Variants in EXD1 observed in about 807,000 individuals in gnomAD.
EXD1 encodes piRNA biogenesis protein EXD1.
EXD1 carries 63 observed loss-of-function variants against 49.1 expected under a neutral mutation model. The observed-to-expected ratio is 1.28, with a 90% confidence interval of 1.05 to 1.58. The LOEUF is 1.58. EXD1 is among the 40% of genes most tolerant of loss of function. The pLI, the probability that EXD1 is intolerant of heterozygous loss-of-function variation, is 0.00. For synonymous variants in EXD1, 234 were observed against 239.2 expected (o/e 0.98, Z 0.20); for missense variants, 748 against 666.0 (o/e 1.12, Z -1.36).
intron 11 of EXD1, among the ~76,000 whole-genome samples, chr15:41,187,662 T>C (rs2046435564): frequency 2.0e-5 from 3 of 152,124 alleles, no homozygotes; most frequent in Non-Finnish European, 4.4e-5. Flanking sequence ...GAACCATGCT[T>C]GCAACTAGAA....
intron 7 of EXD1, among the ~76,000 whole-genome samples, chr15:41,198,972 T>A (rs2046662585): frequency 6.6e-6 from 1 of 151,466 alleles, no homozygotes. Flanking sequence ...ATGGCCTTTT[T>A]TCTTTTTTGG....
intron 9 of EXD1, among the ~76,000 whole-genome samples, chr15:41,194,244 C>A (rs1034191602): frequency 6.6e-6 from 1 of 152,106 alleles, no homozygotes; most frequent in Non-Finnish European, 1.5e-5. Context: ...ATCTCCTGAA[C>A]TCGTGATCTG....
At chr15:41,190,405 G>A (rs2046494108) in intron 10 of EXD1, 5 of 377,722 alleles carry the variant, frequency 1.3e-5, no homozygotes, top group Non-Finnish European at 2.6e-5. Context: ...CCTGGGAGGC[G>A]GAGCTTGCAG....
chr15:41,207,044 C>T (rs1181808255), intron 7 of EXD1, among the ~76,000 whole-genome samples: 8 of 142,054 alleles, frequency 5.6e-5, no homozygotes, highest in East Asian at 4.3e-4. Flanking sequence ...AGTTCGAGAC[C>T]AGCCTGGCCA....
chr15:41,217,591 T>C (rs1595455685), intron 3 of EXD1, among the ~76,000 whole-genome samples: 1 of 141,800 alleles, frequency 7.1e-6, no homozygotes, highest in Admixed American at 7.6e-5. Context: ...AGTGCAGAGG[T>C]GCGACCTCAG....
intron 7 of EXD1, among the ~76,000 whole-genome samples, chr15:41,205,430 A>T (rs545995617): frequency 7.3e-6 from 1 of 136,072 alleles, no homozygotes; most frequent in South Asian, 2.4e-4. Context: ...TAAGCATGTG[A>T]AAAAACTGTA....
Position 41,184,127 on chromosome 15 carries a change from A to C in EXD1, c.1523T>G (p.Leu508Ter). The C allele has an allele frequency of 6.2e-7, 1 of 1,614,150 alleles. No homozygotes were observed. Among genetic ancestry groups the C allele is most frequent in the Non-Finnish European group, 8.5e-7 (1 of 1,180,016 alleles). ...ATCTTCCTTGTTTTCCACCATCAAT[A>C]ACTGTTCTGTCTCCTCTTTCAAAGA... ...SLSLKEETEQ[L>*]LMVENKEDLK... is the part of the protein sequence containing the mutation. Residue 508 changes from leucine to a stop codon, truncating the protein, a stop_gained, in exon 12 of 12, where the codon TTA (leucine) becomes TGA (stop). Transcript: ENST00000458580. LOFTEE classifies it low-confidence loss of function (END_TRUNC).
chr15:41,199,225 T>C (rs1431955242), intron 7 of EXD1, among the ~76,000 whole-genome samples: 1 of 151,952 alleles, frequency 6.6e-6, no homozygotes, highest in Non-Finnish European at 1.5e-5. Context: ...TCCTTGGGAT[T>C]ACAGGCATGA....
chr15:41,217,781 G>A (rs901196390), intron 3 of EXD1, among the ~76,000 whole-genome samples: 9 of 152,004 alleles, frequency 5.9e-5, no homozygotes, highest in Admixed American at 2.0e-4. Context: ...TGATCCGCTC[G>A]CCTCAGCCTC....
Position 41,216,663 on chromosome 15 carries a change from T to G in EXD1, c.388+5A>C, listed in dbSNP as rs1290681481. 3 of 1,604,542 alleles carry G rather than the reference T, an allele frequency of 1.9e-6. No individual in the cohort carries two copies. Among genetic ancestry groups the G allele is most frequent in the Non-Finnish European group, 2.5e-6 (3 of 1,177,998 alleles). On this transcript the variant is annotated splice_donor_5th_base_variant and intron_variant, in intron 5 of 11. Transcript: ENST00000458580. ...AAAAAGAAAATTCAGAGCCCCTATATTCACCTGATGGGCTGTACTTGAGGT... is the reference window on the plus strand; with the variant it reads ...AAAAAGAAAATTCAGAGCCCCTATAGTCACCTGATGGGCTGTACTTGAGGT...
At chr15:41,194,484 T>C (rs1166123393) in intron 9 of EXD1, among the ~76,000 whole-genome samples, 1 of 152,094 alleles carries the variant, frequency 6.6e-6, no homozygotes, top group Non-Finnish European at 1.5e-5. Flanking sequence ...AAGGAAACTC[T>C]CTCTTCAGAA....
chr15:41,190,249 C>A, intron 10 of EXD1, 121 bp from the exon 11 acceptor site: 7 of 1,027,374 alleles, frequency 6.8e-6, no homozygotes, highest in Non-Finnish European at 1.0e-5. Context: ...CTGAGGCAGG[C>A]GGATCACAAG....
intron 7 of EXD1, among the ~76,000 whole-genome samples, chr15:41,198,581 C>G (rs996579666): frequency 6.6e-6 from 1 of 151,790 alleles, no homozygotes; most frequent in Non-Finnish European, 1.5e-5. Context: ...CCCAGCTACT[C>G]GGGAGGCTGA....
rs761906316 is a variant in EXD1 at position 41,184,363 on chromosome 15, T to C, written c.1287A>G (p.Gln429=). 6.8e-6 allele frequency: 11 copies of C among 1,614,108 alleles called. No homozygotes were observed. The highest frequency in any genetic ancestry group is 1.3e-5 in the African/African-American group (1 of 74,936). The change falls in exon 12 of 12, where the codon CAA becomes CAG. Residue 429 remains glutamine, a synonymous_variant. Transcript: ENST00000458580. ...GTAAATTCACATCCCCGTGAAAGTC[T>C]TGAGATGTAAAACTTGGAGCTTTAT... ...RIDKAPSFTS[Q]DFHGDVNLLK...
At chr15:41,204,639 G>C (rs2046794714) in intron 7 of EXD1, among the ~76,000 whole-genome samples, 1 of 152,134 alleles carries the variant, frequency 6.6e-6, no homozygotes, top group Admixed American at 6.5e-5. Context: ...GCTGGGGCAG[G>C]AGGATCTCTT....
chr15:41,192,747 G>A (rs190981508), intron 9 of EXD1, among the ~76,000 whole-genome samples: 7 of 149,950 alleles, frequency 4.7e-5, no homozygotes, highest in Middle Eastern at 3.5e-3. Flanking sequence ...CGAGTAGCTA[G>A]GACTACAGGC....
At position 41,230,513 on chromosome 15, in the gene EXD1, G is replaced by T. The variant is rs1160294242; in HGVS notation, c.-88C>A. The T allele has an allele frequency of 1.2e-6, 2 of 1,614,036 alleles. No homozygotes were observed. The highest frequency in any genetic ancestry group is 1.7e-6 in the Non-Finnish European group (2 of 1,180,016). ...GGAATTCACTGTCCTCCATCGTTAG[G>T]GCTTTTTCCTCCGAAGGAAGTTTGG... is the stretch of plus-strand genomic sequence containing the variant. On this transcript the variant is annotated 5_prime_UTR_variant, in exon 1 of 12. Transcript: ENST00000458580.
In EXD1 at chr15:41,217,096, C is replaced by T; in HGVS notation, c.260+1G>A. The T allele has an allele frequency of 6.2e-7, 1 of 1,610,922 alleles. No homozygotes were observed. Among genetic ancestry groups the T allele is most frequent in the Non-Finnish European group, 8.5e-7 (1 of 1,178,736 alleles). On this transcript the variant is annotated splice_donor_variant, in intron 4 of 11. Coordinates refer to ENST00000458580, the MANE Select transcript of EXD1 (RefSeq NM_001286441.2). LOFTEE classifies it high-confidence loss of function. ...TAATTAAGAAAATTATTCCTTCTTA[C>T]CTAACAGAAGATGCTTTTGCTCTCA...
At chr15:41,208,369 G>GAAAAAAAAA (rs10586810) in intron 7 of EXD1, among the ~76,000 whole-genome samples, 3 of 62,674 alleles carry the variant, frequency 4.8e-5, no homozygotes, top group Admixed American at 2.1e-4. Flanking sequence ...ACTCATCTCT[G>GAAAAAAAAA]AAAAAAAAAA....
Sources: allele counts gnomAD v4.1 joint callset (sites outside exome capture counted in the v4.1 genomes callset), GRCh38; gene constraint gnomAD v4.1.1; transcripts MANE v1.5; gene names NCBI Gene and HGNC (gene_info 2026-07-23, HGNC 2026-07-21).